Variants in DAPK1 observed in about 807,000 individuals in gnomAD.
The protein encoded by DAPK1 is death associated protein kinase 1.
Under a neutral mutation model 144.9 loss-of-function variants are expected in DAPK1, and 56 were observed. The observed-to-expected ratio is 0.39, with a 90% CI of 0.31 to 0.48. The LOEUF is 0.48. DAPK1 is among the 20% of genes least tolerant of loss of function. The pLI is 0.95. For missense variants in DAPK1, 1,454 were observed against 1,875.4 expected, an observed-to-expected ratio of 0.78 and a Z score of 4.15; for synonymous variants, 690 against 749.0, an observed-to-expected ratio of 0.92 and a Z score of 1.29.
At chr9:87,595,491 C>T (rs147459116) in intron 2 of DAPK1, among the ~76,000 whole-genome samples, 1 of 152,286 alleles carries the variant, frequency 6.6e-6, no homozygotes, top group African/African-American at 2.4e-5. Context: ...TCTAATCTCC[C>T]CTCAGTTTAA....
At chr9:87,628,459 G>T (rs1829556885) in intron 3 of DAPK1, among the ~76,000 whole-genome samples, 1 of 152,186 alleles carries the variant, frequency 6.6e-6, no homozygotes, top group Non-Finnish European at 1.5e-5. Flanking sequence ...AGAAAGGAAT[G>T]CCCTGTGTTC....
rs1278730835 is a variant in DAPK1 at position 87,645,982 on chromosome 9, T to C, written c.1099T>C (p.Leu367=). 2.5e-5 allele frequency: 41 copies of C among 1,613,974 alleles called. No homozygotes were observed. Among genetic ancestry groups the C allele is most frequent in the Non-Finnish European group, 3.5e-5 (41 of 1,179,998 alleles). The change falls in exon 12 of 26, where the codon TTA becomes CTA. Residue 367 remains leucine, a synonymous_variant. Transcript: ENST00000408954. ...VPGLQHLLGS[L]SNYDVNQPNK... is the part of the protein sequence containing the mutation. ...AGGCCTGCAGCACCTTCTGGGCTCA[T>C]TATCCAACTATGATGTTAACCAACC...
intron 25 of DAPK1, among the ~76,000 whole-genome samples, chr9:87,704,992 A>G (rs1166723510): frequency 6.6e-6 from 1 of 151,658 alleles, no homozygotes; most frequent in African/African-American, 2.4e-5. Flanking sequence ...CAAAAAGCTA[A>G]AGTCCCCTTG....
At chr9:87,616,766 C>G (rs60830981) in intron 3 of DAPK1, among the ~76,000 whole-genome samples, 1 of 152,196 alleles carries the variant, frequency 6.6e-6, no homozygotes, top group Non-Finnish European at 1.5e-5. Flanking sequence ...CTGGAGAGCA[C>G]TGCATAACAC....
chr9:87,631,812 G>A (rs1829699586), intron 3 of DAPK1, among the ~76,000 whole-genome samples: 1 of 152,106 alleles, frequency 6.6e-6, no homozygotes, highest in African/African-American at 2.4e-5. Flanking sequence ...AGAGATTTGG[G>A]GGCCAAACAG....
rs149026493 is a variant in DAPK1 at position 87,618,782 on chromosome 9, C to T, written c.284+13607C>T. Among the ~76,000 whole-genome samples the T allele has an allele frequency of 1.7e-3, 261 of 152,260 alleles. 1 individual carries two copies. The highest frequency in any genetic ancestry group is 5.6e-3 in the African/African-American group (233 of 41,556). On this transcript the variant is annotated intron_variant, in intron 3 of 25. Coordinates refer to ENST00000408954, the MANE Select transcript of DAPK1 (RefSeq NM_004938.4). ...GTGGTGGGAAAGTAGGGTGGCTACT[C>T]ATGGACACAGGGCTTCTCTTGGGGG...
In DAPK1 at chr9:87,686,725, ACG is replaced by A. The variant is rs1174567199; in HGVS notation, c.2401_2402del (p.Ala801LeufsTer24). 6.2e-7 allele frequency: 1 copy of A among 1,612,354 alleles called. No homozygotes were observed. ...TCCACCAAGGCCATCGACATCCAGA[ACG>A]CTTATTTGAATGGTATGCCCTGCCT... On this transcript the variant is annotated frameshift_variant, in exon 21 of 26. Transcript: ENST00000408954. LOFTEE classifies it high-confidence loss of function. The surrounding 1 kb of genome is among the most constrained non-coding windows in gnomAD (Gnocchi z 4.2).
chr9:87,684,740 G>C (rs1235184705), intron 20 of DAPK1, among the ~76,000 whole-genome samples: 1 of 151,926 alleles, frequency 6.6e-6, no homozygotes, highest in Non-Finnish European at 1.5e-5. Flanking sequence ...CGGTGACCAG[G>C]TAAAGTGGGT....
At chr9:87,640,951 T>G (rs1382864753) in intron 9 of DAPK1, 104 bp downstream of exon 9, 1 of 1,120,036 alleles carries the variant, frequency 8.9e-7, no homozygotes, top group Non-Finnish European at 1.4e-6. Context: ...AGGTCACACC[T>G]GGAGTGTTAA....
chr9:87,597,143 A>T (rs532240900), intron 2 of DAPK1, among the ~76,000 whole-genome samples: 1 of 152,270 alleles, frequency 6.6e-6, no homozygotes, highest in East Asian at 1.9e-4. Flanking sequence ...TTCCAGGATC[A>T]CTTCTGCCAC....
intron 2 of DAPK1, among the ~76,000 whole-genome samples, chr9:87,503,811 A>G (rs10217649): frequency 0.015 from 2,229 of 152,348 alleles, 50 homozygotes; most frequent in African/African-American, 0.051. Flanking sequence ...ACAGCAGCCA[A>G]AATTTTCAAG....
At chr9:87,654,595 A>G (rs924980839) in intron 17 of DAPK1, among the ~76,000 whole-genome samples, 5 of 152,202 alleles carry the variant, frequency 3.3e-5, no homozygotes, top group Non-Finnish European at 5.9e-5. Context: ...AATCTTGCCA[A>G]GTCAGTTGTG....
At chr9:87,512,486 A>G (rs1008237833) in intron 2 of DAPK1, among the ~76,000 whole-genome samples, 3 of 152,144 alleles carry the variant, frequency 2.0e-5, no homozygotes, top group African/African-American at 7.2e-5. Flanking sequence ...AGAAAAGCCC[A>G]TTAGGTTGGT....
In DAPK1 at chr9:87,651,629, G is replaced by A. The variant is rs369647209; in HGVS notation, c.1729G>A (p.Gly577Ser). The A allele has an allele frequency of 4.0e-5, 65 of 1,614,034 alleles. No individual in the cohort carries two copies. Among genetic ancestry groups the A allele is most frequent in the African/African-American group, 9.3e-5 (7 of 74,916 alleles). ...GCFVDYQDRHGNTPLHVACKD... is the reference protein window; with the variant it reads ...GCFVDYQDRHSNTPLHVACKD... ...TTTCGTCGATTATCAAGACAGGCAC[G>A]GCAATACTCCCCTCCATGTGGCATG... The change falls in exon 17 of 26, where the codon GGC (glycine) becomes AGC (serine). Residue 577 changes from glycine (G) to serine (S), a missense_variant. By Grantham distance (56) the Gly-to-Ser change is moderately conservative. Transcript: ENST00000408954.
At chr9:87,632,487 T>C (rs997494165) in intron 3 of DAPK1, 1 of 978,892 alleles carries the variant, frequency 1.0e-6, no homozygotes, top group Non-Finnish European at 1.2e-6. Flanking sequence ...GTGATCAGTA[T>C]ATATGTAGGG....
intron 2 of DAPK1, among the ~76,000 whole-genome samples, chr9:87,551,613 T>C (rs1826487577): frequency 6.6e-6 from 1 of 152,096 alleles, no homozygotes; most frequent in South Asian, 2.1e-4. Flanking sequence ...GACAGCAGCT[T>C]TTGAGGATAA....
Position 87,706,808 on chromosome 9 carries a change from A to T in DAPK1, c.3737A>T (p.His1246Leu). 1.2e-6 allele frequency: 2 copies of T among 1,613,702 alleles called. No homozygotes were observed. Among genetic ancestry groups the T allele is most frequent in the South Asian group, 2.2e-5 (2 of 91,072 alleles). The change falls in exon 26 of 26, where the codon CAT (histidine) becomes CTT (leucine). Residue 1246 changes from histidine (H) to leucine (L), a missense_variant. Physicochemically the swap from His to Leu is moderately conservative, Grantham distance 99 (BLOSUM62 -3). This residue lies in a region of DAPK1 where 1,025 missense variants were observed against 1,237.9 expected (regional missense o/e 0.83). Coordinates refer to ENST00000408954, the MANE Select transcript of DAPK1 (RefSeq NM_004938.4). This position sits in a 1 kb window ranked among gnomAD's most constrained non-coding sequence, Gnocchi z 9.0. ...AGCCCCCAGCAGCTGCGGGAGCACCATGAGCCCGTCATGATCTACCAGCCA... is the reference window on the plus strand; with the variant it reads ...AGCCCCCAGCAGCTGCGGGAGCACCTTGAGCCCGTCATGATCTACCAGCCA... ...YLSPQQLREH[H>L]EPVMIYQPRD...
intron 2 of DAPK1, among the ~76,000 whole-genome samples, chr9:87,502,224 G>T (rs1300136656): frequency 6.6e-6 from 1 of 151,990 alleles, no homozygotes; most frequent in South Asian, 2.1e-4. Flanking sequence ...GAATAATGCA[G>T]CCCTGGCCTT....
intron 2 of DAPK1, among the ~76,000 whole-genome samples, chr9:87,529,567 T>C (rs953995345): frequency 3.9e-5 from 6 of 152,184 alleles, no homozygotes; most frequent in African/African-American, 1.4e-4. Context: ...TACCACATGC[T>C]CTGGGGGATA....
Sources: gnomAD v4.1 joint callset for allele counts (sites outside exome capture counted in the v4.1 genomes callset) on GRCh38, gnomAD v4.1.1 for gene constraint, gnomAD v4.1.1 regional missense constraint, Gnocchi (gnomAD v3.1) non-coding constraint, MANE v1.5 for transcripts, NCBI Gene and HGNC (gene_info 2026-07-23, HGNC 2026-07-21) for gene names.